Variants in AP1AR observed in about 807,000 individuals in gnomAD.
AP1AR encodes the protein adaptor related protein complex 1 associated regulatory protein.
AP1AR carries 29 observed loss-of-function variants against 46.3 expected under a neutral mutation model. The ratio of observed to expected loss-of-function variants is 0.63; its 90% CI spans 0.47 to 0.85. The LOEUF (loss-of-function observed/expected upper bound fraction) is 0.85. AP1AR is among the 40% of genes least tolerant of loss of function. The pLI, the probability that AP1AR is intolerant of heterozygous loss-of-function variation, is 0.00. For synonymous variants in AP1AR, 122 were observed against 122.9 expected, an observed-to-expected ratio of 0.99 and a Z score of 0.05; for missense variants, 357 against 356.3, an observed-to-expected ratio of 1.00 and a Z score of -0.02.
chr4:112,255,697 TC>T (rs1306521334), intron 3 of AP1AR, among the ~76,000 whole-genome samples: 1 of 152,254 alleles, frequency 6.6e-6, no homozygotes, highest in Non-Finnish European at 1.5e-5. Flanking sequence ...ACATTTCATC[TC>T]ATACAACTCA....
chr4:112,270,068 C>CTA lies in AP1AR; in HGVS notation c.*1661_*1662dup, dbSNP rs542121248. The CTA allele has an allele frequency of 1.0e-4, 16 of 152,518 alleles. No homozygotes were observed. The East Asian group carries it at 3.1e-3, about 29-fold the overall frequency. 9.4% of individuals were successfully genotyped at this position (152,518 alleles called of 1,614,324 possible). On this transcript the variant is annotated 3_prime_UTR_variant, in exon 10 of 10. Transcript: ENST00000274000. Reference sequence around the variant, plus strand: ...CACTTAAAGGTAATAAGTTATTTGACTATTATTGGTTTTACTCCATAAACA... The same window carrying CTA: ...CACTTAAAGGTAATAAGTTATTTGACTATATTATTGGTTTTACTCCATAAACA...
intron 1 of AP1AR, among the ~76,000 whole-genome samples, chr4:112,244,540 G>T (rs6855902): frequency 1.6e-3 from 249 of 152,290 alleles, no homozygotes; most frequent in African/African-American, 5.3e-3. Flanking sequence ...TTCTAAAACA[G>T]AGTTGTCAAG....
intron 1 of AP1AR, among the ~76,000 whole-genome samples, chr4:112,239,792 T>C (rs1272034965): frequency 2.0e-5 from 3 of 152,254 alleles, no homozygotes; most frequent in African/African-American, 7.2e-5. Flanking sequence ...GAGCATTTGT[T>C]TGTCTGTTGA....
Position 112,254,759 on chromosome 4 carries a change from G to A in AP1AR, c.145G>A (p.Val49Ile). Residue 49 changes from valine (V) to isoleucine (I), a missense_variant, in exon 3 of 10, where the codon GTA becomes ATA. Transcript: ENST00000274000. ...TTTGTCCTTTCAGTTTGAGAATCTA[G>A]TAGAAAGTGATGAAGTAAGTATTTC... ...EHLTIEFENL[V>I]ESDEGESPGS... 1 of 1,504,518 alleles carries A rather than the reference G, an allele frequency of 6.6e-7. No individual in the cohort carries two copies. The highest frequency in any genetic ancestry group is 1.3e-5 in the South Asian group (1 of 76,264). 93.2% of individuals were successfully genotyped at this position (1,504,518 alleles called of 1,614,324 possible).
chr4:112,272,454 C>T lies in AP1AR; in HGVS notation c.*4045C>T, dbSNP rs965732290. 1.1e-4 allele frequency among the ~76,000 whole-genome samples: 17 copies of T among 152,052 alleles called. No homozygotes were observed. The highest frequency in any genetic ancestry group is 1.9e-4 in the Non-Finnish European group (13 of 68,016). On this transcript the variant is annotated 3_prime_UTR_variant, in exon 10 of 10. Transcript: ENST00000274000. Reference sequence around the variant, plus strand: ...ATATGACCTTCCCATGGGGCTTGGCCGGGAGTGCTAGCCCAGTAAGGGAAA... The same window carrying T: ...ATATGACCTTCCCATGGGGCTTGGCTGGGAGTGCTAGCCCAGTAAGGGAAA...
At chr4:112,232,796 A>G (rs1442960316) in intron 1 of AP1AR, among the ~76,000 whole-genome samples, 2 of 152,150 alleles carry the variant, frequency 1.3e-5, no homozygotes, top group African/African-American at 4.8e-5. Flanking sequence ...AGTTTTTGAA[A>G]TTTCGAGAGG....
intron 1 of AP1AR, among the ~76,000 whole-genome samples, chr4:112,251,145 C>G (rs1269167328): frequency 5.3e-5 from 8 of 152,194 alleles, no homozygotes; most frequent in Non-Finnish European, 1.0e-4. Flanking sequence ...CTAGAGCTCT[C>G]AGAAGGATAT....
In AP1AR at chr4:112,232,106, C is replaced by G. The variant is rs1725027015; in HGVS notation, c.15C>G (p.Cys5Trp). 4 of 1,339,124 alleles carry G rather than the reference C, an allele frequency of 3.0e-6. No homozygotes were observed. Among genetic ancestry groups the G allele is most frequent in the Non-Finnish European group, 3.9e-6 (4 of 1,037,278 alleles). The allele number at this position is 1,339,124 out of a possible 1,614,324, so 83.0% of individuals were successfully genotyped here. ...GGCGGCATGCGATGGGGAACTGCTG[C>G]TGGACGCAGTGCTTCGGACTGCTTC... is the stretch of plus-strand genomic sequence containing the variant. MGNC[C>W]WTQCFGLLRK... The change falls in exon 1 of 10, where the codon TGC (cysteine) becomes TGG (tryptophan). Residue 5 changes from cysteine (C) to tryptophan (W), a missense_variant. Cys to Trp is a radical substitution (Grantham distance 215). Around this residue, in one of 2 missense-constraint regions of AP1AR, gnomAD observed 269 missense variants for 223.6 expected, o/e 1.20. Transcript: ENST00000274000.
In AP1AR at chr4:112,271,097, C is replaced by G. The variant is rs560154964; in HGVS notation, c.*2688C>G. Among the ~76,000 whole-genome samples, 3 of 152,242 alleles carry G rather than the reference C, an allele frequency of 2.0e-5. No homozygotes were observed. Among genetic ancestry groups the G allele is most frequent in the African/African-American group, 7.2e-5 (3 of 41,556 alleles). ...GAATCAGATACTACTGTAGGGGTAACACATCTGGCATGGTGCCGTGGCTAC... is the reference window on the plus strand; with the variant it reads ...GAATCAGATACTACTGTAGGGGTAAGACATCTGGCATGGTGCCGTGGCTAC... On this transcript the variant is annotated 3_prime_UTR_variant, in exon 10 of 10. Coordinates refer to ENST00000274000, the MANE Select transcript of AP1AR (RefSeq NM_018569.6).
At chr4:112,263,140 C>A in intron 6 of AP1AR, 54 bp downstream of exon 6, 1 of 1,396,424 alleles carries the variant, frequency 7.2e-7, no homozygotes, top group Non-Finnish European at 9.9e-7. Context: ...CTTATTTTCT[C>A]TGACAAATCT....
chr4:112,237,467 A>AT (rs985114780), intron 1 of AP1AR, among the ~76,000 whole-genome samples: 7 of 140,972 alleles, frequency 5.0e-5, no homozygotes, highest in African/African-American at 1.9e-4. Flanking sequence ...TTTTATTTTT[A>AT]TTTTTTTTGA....
At chr4:112,261,212 T>G (rs1020516712) in intron 5 of AP1AR, among the ~76,000 whole-genome samples, 18 of 152,176 alleles carry the variant, frequency 1.2e-4, no homozygotes, top group Non-Finnish European at 2.5e-4. Context: ...GCAGACAGAT[T>G]GCTTGAGCCC....
At chr4:112,256,899 C>T (rs1726222663) in intron 3 of AP1AR, among the ~76,000 whole-genome samples, 1 of 152,166 alleles carries the variant, frequency 6.6e-6, no homozygotes, top group Non-Finnish European at 1.5e-5. Context: ...TTCCTGCAAG[C>T]CTCTGATCAC....
At chr4:112,265,707 TAAA>T in intron 7 of AP1AR, 24 bp from the exon 8 acceptor site, 1 of 1,560,990 alleles carries the variant, frequency 6.4e-7, no homozygotes. Context: ...ATGAATATAT[TAAA>T]AAATTATTTC....
At chr4:112,265,091 C>T (rs779570138) in intron 7 of AP1AR, 24 bp downstream of exon 7, 2 of 1,572,224 alleles carry the variant, frequency 1.3e-6, no homozygotes, top group Admixed American at 1.9e-5. Flanking sequence ...CATATGCCTC[C>T]TTCCCTTTGT....
chr4:112,255,808 GTC>G (rs748804303), intron 3 of AP1AR, among the ~76,000 whole-genome samples: 12 of 152,268 alleles, frequency 7.9e-5, no homozygotes, highest in Non-Finnish European at 1.5e-4. Flanking sequence ...TTTGATCTTA[GTC>G]AAAAGGCTAA....
In AP1AR at chr4:112,246,813, A is replaced by T. The variant is rs190443426; in HGVS notation, c.84-6395A>T. 3.1e-3 allele frequency among the ~76,000 whole-genome samples: 473 copies of T among 152,366 alleles called. 4 individuals carry two copies. Among genetic ancestry groups the T allele is most frequent in the African/African-American group, 0.011 (453 of 41,582 alleles). On this transcript the variant is annotated intron_variant, in intron 1 of 9. Transcript: ENST00000274000. ...GAACACTACCATCCACTGGGACCAG[A>T]TAGCCCAGTTCCTTGAACCAGGGGA...
chr4:112,267,969 C>T (rs1305509472), intron 9 of AP1AR, among the ~76,000 whole-genome samples, 175 bp from the exon 10 acceptor site: 3 of 151,984 alleles, frequency 2.0e-5, no homozygotes, highest in Non-Finnish European at 4.4e-5. Context: ...AGGCATACTT[C>T]AGGGTTAGAA....
intron 1 of AP1AR, among the ~76,000 whole-genome samples, chr4:112,232,747 C>T (rs568470714): frequency 6.6e-6 from 1 of 152,182 alleles, no homozygotes; most frequent in Non-Finnish European, 1.5e-5. Context: ...ATTCTTGGTG[C>T]TCATAACTAC....
Sources: allele counts gnomAD v4.1 joint callset (sites outside exome capture counted in the v4.1 genomes callset), GRCh38; gene constraint gnomAD v4.1.1; regional missense constraint gnomAD v4.1.1; transcripts MANE v1.5; gene names NCBI Gene and HGNC (gene_info 2026-07-23, HGNC 2026-07-21).